Variants in SUMF1 observed in about 807,000 individuals in gnomAD.
The protein encoded by SUMF1 is sulfatase modifying factor 1.
SUMF1 carries 48 observed loss-of-function variants against 47.6 expected under a neutral mutation model. That is an observed-to-expected ratio of 1.01 (90% CI 0.80 to 1.28). The LOEUF is 1.28. SUMF1 is among the 50% of genes most tolerant of loss of function. The pLI is 0.00. For missense variants in SUMF1, 571 were observed against 485.4 expected (o/e 1.18, Z -1.66); for synonymous variants, 230 against 192.1 (o/e 1.20, Z -1.63).
chr3:4,415,477 C>A lies in SUMF1; in HGVS notation c.840+1651G>T, dbSNP rs1055190873. On this transcript the variant is annotated intron_variant, in intron 6 of 8. Coordinates refer to ENST00000272902, the MANE Select transcript of SUMF1 (RefSeq NM_182760.4). ...ACTCTTACCAAGAAAAGTTTTCTAA[C>A]CTTTGACTCAATCATTTCACTGCTG... 2.6e-5 allele frequency among the ~76,000 whole-genome samples: 4 copies of A among 152,098 alleles called. No homozygotes were observed. In the South Asian group the frequency reaches 8.3e-4, roughly 31 times the overall value.
chr3:4,098,584 T>G (rs1692958970), intron 8 of SUMF1, among the ~76,000 whole-genome samples: 1 of 152,172 alleles, frequency 6.6e-6, no homozygotes, highest in Admixed American at 6.5e-5. Context: ...GAAAGCTTTC[T>G]GAGTCTCTAG....
intron 8 of SUMF1, among the ~76,000 whole-genome samples, chr3:4,130,379 T>A (rs1470353814): frequency 6.6e-6 from 1 of 152,218 alleles, no homozygotes; most frequent in Non-Finnish European, 1.5e-5. Context: ...GCCAGCAATA[T>A]ACGTTTACTG....
At chr3:4,225,027 C>T (rs1696143821) in intron 8 of SUMF1, among the ~76,000 whole-genome samples, 1 of 152,084 alleles carries the variant, frequency 6.6e-6, no homozygotes, top group Non-Finnish European at 1.5e-5. Flanking sequence ...CCTCCACTCA[C>T]AATGTCAAAC....
rs377405492 is a variant in SUMF1 at position 4,417,201 on chromosome 3, T to C, written c.767A>G (p.His256Arg). Residue 256 changes from histidine to arginine, a missense_variant, in exon 6 of 9, where the codon CAT (histidine) becomes CGT (arginine). Transcript: ENST00000272902. ...WGNKLQPKGQ[H>R]YANIWQGEFP... ...CTCGCCCTGCCAAATGTTGGCATAATGCTGGCCTTTGGGCTGCAGTTTGTT... is the reference window on the plus strand; with the variant it reads ...CTCGCCCTGCCAAATGTTGGCATAACGCTGGCCTTTGGGCTGCAGTTTGTT... The C allele has an allele frequency of 6.2e-7, 1 of 1,613,908 alleles. No individual in the cohort carries two copies. The highest frequency in any genetic ancestry group is 1.3e-5 in the African/African-American group (1 of 74,924).
Position 4,178,313 on chromosome 3 carries a change from T to C in SUMF1, c.1015-109568A>G, listed in dbSNP as rs542595297. Among the ~76,000 whole-genome samples, 22 of 152,250 alleles carry C rather than the reference T, an allele frequency of 1.4e-4. 1 individual carries two copies. In the South Asian group the frequency reaches 4.6e-3, roughly 32 times the overall value. ...CTCAATAAAATACTGGCAAACCGAA[T>C]CCAGCAGCATATCAAAAAGCTTATC... On this transcript the variant is annotated intron_variant and NMD_transcript_variant, in intron 8 of 12. Coordinates refer to the SUMF1 transcript ENST00000448413.
At chr3:4,251,665 G>A (rs1696804635) in intron 8 of SUMF1, among the ~76,000 whole-genome samples, 1 of 152,132 alleles carries the variant, frequency 6.6e-6, no homozygotes, top group Non-Finnish European at 1.5e-5. Context: ...TCCTTTGAAG[G>A]TTTGAAGCTA....
chr3:4,351,532 T>C (rs1362484299), intron 8 of SUMF1, among the ~76,000 whole-genome samples: 1 of 152,212 alleles, frequency 6.6e-6, no homozygotes, highest in Non-Finnish European at 1.5e-5. Context: ...TCTTTTTATG[T>C]ATTTGTGCCT....
intron 4 of SUMF1, 106 bp from the exon 5 acceptor site, chr3:4,418,238 C>G (rs1428135994): frequency 1.5e-5 from 23 of 1,514,672 alleles, no homozygotes; most frequent in Non-Finnish European, 2.1e-5. Flanking sequence ...ATCTGTGACA[C>G]TGAGGTCATC....
intron 8 of SUMF1, among the ~76,000 whole-genome samples, chr3:4,367,188 A>G (rs1187889374): frequency 2.6e-5 from 4 of 151,990 alleles, no homozygotes; most frequent in African/African-American, 9.7e-5. Context: ...CCACTTGAGG[A>G]GGCAGTCTGC....
intron 8 of SUMF1, among the ~76,000 whole-genome samples, chr3:4,211,430 T>C (rs534994599): frequency 6.6e-6 from 1 of 151,856 alleles, no homozygotes; most frequent in African/African-American, 2.4e-5. Context: ...AGTATTTTAT[T>C]TTCTATTCCT....
At chr3:4,416,857 G>A (rs1418545758) in intron 6 of SUMF1, among the ~76,000 whole-genome samples, 3 of 152,066 alleles carry the variant, frequency 2.0e-5, no homozygotes, top group Non-Finnish European at 4.4e-5. Context: ...ATTTCTGGGT[G>A]GTAGAATTCC....
intron 8 of SUMF1, among the ~76,000 whole-genome samples, chr3:4,071,616 G>C (rs951595439): frequency 6.6e-6 from 1 of 152,192 alleles, no homozygotes; most frequent in African/African-American, 2.4e-5. Context: ...GAGCTTAGTG[G>C]GGGGAGGGGC....
chr3:4,116,833 G>A (rs1053047306), intron 8 of SUMF1, among the ~76,000 whole-genome samples: 1 of 152,192 alleles, frequency 6.6e-6, no homozygotes, highest in African/African-American at 2.4e-5. Context: ...TACTGAGATT[G>A]GCAGTTATCA....
intron 1 of SUMF1, among the ~76,000 whole-genome samples, chr3:4,464,299 C>T (rs114342745): frequency 0.012 from 1,783 of 151,840 alleles, 31 homozygotes; most frequent in African/African-American, 0.041. Flanking sequence ...AGGCACTACT[C>T]GACTTGTCCA....
intron 1 of SUMF1, among the ~76,000 whole-genome samples, chr3:4,460,696 A>T (rs1178560238): frequency 2.0e-5 from 3 of 150,326 alleles, no homozygotes; most frequent in Non-Finnish European, 4.4e-5. Flanking sequence ...CCACTCTGTC[A>T]CCCCACGCTG....
intron 8 of SUMF1, among the ~76,000 whole-genome samples, chr3:4,153,409 T>G (rs1694382073): frequency 6.6e-6 from 1 of 151,284 alleles, no homozygotes; most frequent in Admixed American, 6.6e-5. Context: ...AGAGTTAGGA[T>G]CTTCCTATAT....
intron 8 of SUMF1, among the ~76,000 whole-genome samples, chr3:4,120,784 G>A (rs532261715): frequency 2.6e-5 from 4 of 152,234 alleles, no homozygotes; most frequent in African/African-American, 4.8e-5. Context: ...CCCCCAACTT[G>A]AGGTGTCAGG....
intron 8 of SUMF1, among the ~76,000 whole-genome samples, chr3:4,373,955 G>A (rs1700245800): frequency 6.6e-6 from 1 of 151,808 alleles, no homozygotes; most frequent in Non-Finnish European, 1.5e-5. Flanking sequence ...CTCAATAGAT[G>A]CAGAAAAAGC....
At chr3:4,179,295 G>T (rs113364738) in intron 8 of SUMF1, among the ~76,000 whole-genome samples, 2 of 152,072 alleles carry the variant, frequency 1.3e-5, no homozygotes, top group African/African-American at 4.8e-5. Flanking sequence ...ATACTACAAG[G>T]CTTCAGTAAC....
Sources: gnomAD v4.1 joint callset for allele counts (sites outside exome capture counted in the v4.1 genomes callset) on GRCh38, gnomAD v4.1.1 for gene constraint, MANE v1.5 for transcripts, NCBI Gene and HGNC (gene_info 2026-07-23, HGNC 2026-07-21) for gene names.